Variants in PHKA1 observed in about 807,000 individuals in gnomAD.
The protein encoded by PHKA1 is phosphorylase kinase regulatory subunit alpha 1, also known as phosphorylase b kinase regulatory subunit alpha, skeletal muscle isoform.
Under a neutral mutation model 110.2 loss-of-function variants are expected in PHKA1, and 60 were observed. The ratio of observed to expected loss-of-function variants is 0.54; its 90% CI spans 0.44 to 0.68. The LOEUF is 0.68. PHKA1 is among the 30% of genes least tolerant of loss of function. The pLI is 0.00. For synonymous variants in PHKA1, 316 were observed against 333.6 expected, an observed-to-expected ratio of 0.95 and a Z score of 0.58; for missense variants, 801 against 942.5, an observed-to-expected ratio of 0.85 and a Z score of 1.97.
At position 72,635,159 on chromosome X, in the gene PHKA1, C is replaced by T; in HGVS notation, c.1710G>A (p.Met570Ile). The T allele has an allele frequency of 8.3e-7, 1 of 1,211,797 alleles. No individual in the cohort carries two copies. Among genetic ancestry groups the T allele is most frequent in the Non-Finnish European group, 1.1e-6 (1 of 895,485 alleles). The change falls in exon 16 of 32, where the codon ATG (methionine) becomes ATA (isoleucine). Residue 570 changes from methionine (M) to isoleucine (I), a missense_variant. By Grantham distance (10) the Met-to-Ile change is conservative. This residue lies in a region of PHKA1 where 502 missense variants were observed against 519.2 expected (regional missense o/e 0.97). Transcript: ENST00000373542. The stretch of plus-strand genomic sequence containing the variant: ...CTTGCCTCATGCAGCCCTTACCAAG[C>T]ATGCTGTGTGAGATGGGGAAGGTGA... ...PTITFPISHS[M>I]LDEDGTSLNS... is the part of the protein sequence containing the mutation.
intron 2 of PHKA1, among the ~76,000 whole-genome samples, chrX:72,708,934 C>T (rs1556333462): frequency 9.0e-6 from 1 of 111,438 alleles, no homozygotes; most frequent in Non-Finnish European, 1.9e-5. Flanking sequence ...GTAATATTGC[C>T]TGGGTGGTTG....
chrX:72,690,016 G>A (rs2054015308), intron 4 of PHKA1, among the ~76,000 whole-genome samples: 1 of 111,704 alleles, frequency 9.0e-6, no homozygotes, highest in Admixed American at 9.5e-5. Context: ...CATCTTTTTG[G>A]AGGAATGTCA....
intron 6 of PHKA1, among the ~76,000 whole-genome samples, chrX:72,675,190 A>C (rs1173539117): frequency 1.9e-5 from 2 of 108,076 alleles, no homozygotes; most frequent in Non-Finnish European, 3.8e-5. Flanking sequence ...TCCGTCTCAA[A>C]AAATAATAAT....
chrX:72,582,398 C>G lies in PHKA1; in HGVS notation c.3498G>C (p.Gln1166His). ...TTGAGAAAACAACAGGTTTGCCTAC[C>G]TGTTCTTGAAGGAACAAGTCATTGG... is the stretch of plus-strand genomic sequence containing the variant. ...HIANDLFLQE[Q>H]KTLGADDTML... The change falls in exon 31 of 32, where the codon CAG becomes CAC. Residue 1166 changes from glutamine (Q) to histidine (H), a missense_variant and splice_region_variant. Gln to His is a conservative substitution (Grantham distance 24, BLOSUM62 0). This residue lies in a region of PHKA1 where 502 missense variants were observed against 519.2 expected (regional missense o/e 0.97). Coordinates refer to ENST00000373542, the MANE Select transcript of PHKA1 (RefSeq NM_002637.4). The G allele has an allele frequency of 8.5e-7, 1 of 1,177,975 alleles. No individual in the cohort carries two copies. The highest frequency in any genetic ancestry group is 1.2e-6 in the Non-Finnish European group (1 of 864,701).
intron 2 of PHKA1, among the ~76,000 whole-genome samples, chrX:72,710,042 CAAAAAA>C (rs374071163): frequency 5.2e-5 from 1 of 19,259 alleles, no homozygotes; most frequent in Non-Finnish European, 9.7e-5. Context: ...ACTTAGTCTT[CAAAAAA>C]AAAAAAAAAA....
rs963566964 is a variant in PHKA1, at chrX:72,603,181, G to A, written c.2855C>T (p.Ser952Leu). 6 of 1,206,615 alleles carry A rather than the reference G, an allele frequency of 5.0e-6. No homozygotes were observed. Among genetic ancestry groups the A allele is most frequent in the Middle Eastern group, 2.3e-4 (1 of 4,343 alleles). Residue 952 changes from serine to leucine, a missense_variant, in exon 26 of 32, where the codon TCG becomes TTG. By Grantham distance (145) the Ser-to-Leu change is moderately radical (BLOSUM62 -2). Transcript: ENST00000373542. ...GTGATGCAGGAGATTCTTCATGGCC[G>A]AAGGACTGAGATTCATCAGGCCCTC... ...ATEGLMNLSP[S>L]AMKNLLHHIL...
intron 5 of PHKA1, among the ~76,000 whole-genome samples, chrX:72,676,686 G>C (rs1460936201): frequency 8.9e-6 from 1 of 111,972 alleles, no homozygotes; most frequent in Non-Finnish European, 1.9e-5. Context: ...AAGTGACAGA[G>C]CCAGGATTAG....
chrX:72,631,784 A>T (rs1370112218), intron 16 of PHKA1, among the ~76,000 whole-genome samples: 7 of 110,772 alleles, frequency 6.3e-5, no homozygotes, highest in African/African-American at 2.0e-4. Context: ...TATGTCAAGG[A>T]TTTTTAGCTG....
chrX:72,684,700 A>G (rs1250866744), intron 4 of PHKA1, 120 bp from the exon 5 acceptor site: 1 of 504,447 alleles, frequency 2.0e-6, no homozygotes, highest in African/African-American at 2.3e-5. Context: ...CCTAGGAACA[A>G]TGGAAGGCAC....
chrX:72,629,826 G>A (rs1292045546), intron 16 of PHKA1, among the ~76,000 whole-genome samples: 1 of 110,962 alleles, frequency 9.0e-6, no homozygotes, highest in African/African-American at 3.3e-5. Context: ...GGTTACTCCA[G>A]GCATTGTCTT....
chrX:72,701,591 C>T (rs904564117), intron 3 of PHKA1, among the ~76,000 whole-genome samples: 22 of 111,068 alleles, frequency 2.0e-4, no homozygotes, highest in African/African-American at 6.6e-4. Flanking sequence ...CAGTGGTGGG[C>T]GCCTGTAACC....
chrX:72,648,018 C>T (rs781877178), intron 13 of PHKA1, among the ~76,000 whole-genome samples: 1 of 111,345 alleles, frequency 9.0e-6, no homozygotes, highest in Non-Finnish European at 1.9e-5. Flanking sequence ...GTAACTTAAG[C>T]AAGATCATTT....
intron 4 of PHKA1, among the ~76,000 whole-genome samples, chrX:72,695,037 T>C (rs1245940040): frequency 8.9e-6 from 1 of 111,734 alleles, no homozygotes; most frequent in Non-Finnish European, 1.9e-5. Flanking sequence ...ATCAAATATT[T>C]ATTTCTATTA....
chrX:72,601,449 C>T (rs1344816267), intron 28 of PHKA1, among the ~76,000 whole-genome samples: 2 of 111,161 alleles, frequency 1.8e-5, no homozygotes, highest in African/African-American at 6.5e-5. Flanking sequence ...AGGGAGGATT[C>T]TGGCTAAACC....
chrX:72,699,495 A>G (rs1012718967), intron 3 of PHKA1, among the ~76,000 whole-genome samples: 262 of 92,934 alleles, frequency 2.8e-3, no homozygotes, highest in Non-Finnish European at 5.0e-3. Context: ...GCCACAGAGC[A>G]AGACTCCATC....
chrX:72,585,444 G>A (rs1302856176), intron 29 of PHKA1, among the ~76,000 whole-genome samples: 1 of 111,754 alleles, frequency 8.9e-6, no homozygotes, highest in East Asian at 2.8e-4. Context: ...AAAAACCTTG[G>A]GTCTCCATTT....
chrX:72,617,450 G>C lies in PHKA1; in HGVS notation c.2369+1260C>G, dbSNP rs527286837. ...TGGGAGGATCACTTGAGACTGGGCAGTGAAGGCTGCAGTGAGCCATGATGA... is the reference window on the plus strand; with the variant it reads ...TGGGAGGATCACTTGAGACTGGGCACTGAAGGCTGCAGTGAGCCATGATGA... On this transcript the variant is annotated intron_variant, in intron 21 of 31. Coordinates refer to ENST00000373542, the MANE Select transcript of PHKA1 (RefSeq NM_002637.4). 8.1e-5 allele frequency among the ~76,000 whole-genome samples: 9 copies of C among 111,336 alleles called. No individual in the cohort carries two copies. In the South Asian group the frequency reaches 3.5e-3, roughly 43 times the overall value.
chrX:72,648,076 TAA>T (rs1416953097), intron 13 of PHKA1, among the ~76,000 whole-genome samples: 2 of 111,112 alleles, frequency 1.8e-5, no homozygotes, highest in African/African-American at 6.6e-5. Context: ...AAAGGGAAGA[TAA>T]AAAAGTGGAA....
At chrX:72,639,957 A>G (rs2053277004) in intron 14 of PHKA1, among the ~76,000 whole-genome samples, 1 of 112,333 alleles carries the variant, frequency 8.9e-6, no homozygotes, top group Non-Finnish European at 1.9e-5. Context: ...TATATGAACT[A>G]TTCAATCAGT....
Sources: allele counts gnomAD v4.1 joint callset (sites outside exome capture counted in the v4.1 genomes callset), GRCh38; gene constraint gnomAD v4.1.1; regional missense constraint gnomAD v4.1.1; transcripts MANE v1.5; gene names NCBI Gene and HGNC (gene_info 2026-07-23, HGNC 2026-07-21).